Variants in ANKRD6 observed in about 807,000 individuals in gnomAD.
ANKRD6 encodes the protein ankyrin repeat domain-containing protein 6.
ANKRD6 carries 56 observed loss-of-function variants against 82.3 expected under a neutral mutation model. The ratio of observed to expected loss-of-function variants is 0.68; its 90% CI spans 0.55 to 0.85. ANKRD6 has a LOEUF of 0.85. ANKRD6 is among the 40% of genes least tolerant of loss of function. ANKRD6 has a pLI of 0.00. For missense variants in ANKRD6, 852 were observed against 907.6 expected (o/e 0.94, Z 0.79); for synonymous variants, 347 against 352.1 (o/e 0.99, Z 0.16).
At chr6:89,582,113 G>A (rs941653787) in intron 2 of ANKRD6, among the ~76,000 whole-genome samples, 1 of 152,164 alleles carries the variant, frequency 6.6e-6, no homozygotes, top group South Asian at 2.1e-4. Flanking sequence ...AAATGAGCAC[G>A]TGTTAACATT....
At chr6:89,482,066 A>G (rs1221394159) in intron 1 of ANKRD6, among the ~76,000 whole-genome samples, 1 of 152,198 alleles carries the variant, frequency 6.6e-6, no homozygotes, top group Non-Finnish European at 1.5e-5. Context: ...CCCTGCTCAC[A>G]CACTCAGAAG....
At chr6:89,460,912 T>G (rs1774057206) in intron 1 of ANKRD6, among the ~76,000 whole-genome samples, 2 of 149,314 alleles carry the variant, frequency 1.3e-5, no homozygotes, top group South Asian at 4.2e-4. Context: ...TGGAATTCTT[T>G]TTTTTTGAGA....
At chr6:89,473,758 C>T (rs1775739490) in intron 1 of ANKRD6, among the ~76,000 whole-genome samples, 1 of 151,842 alleles carries the variant, frequency 6.6e-6, no homozygotes, top group South Asian at 2.1e-4. Context: ...GTGGGTGGAT[C>T]ACTTGAGGTC....
intron 1 of ANKRD6, among the ~76,000 whole-genome samples, chr6:89,493,289 G>T (rs1436193643): frequency 6.6e-6 from 1 of 151,890 alleles, no homozygotes; most frequent in African/African-American, 2.4e-5. Flanking sequence ...CAGTTTCTGG[G>T]GATTGTATGT....
At chr6:89,542,314 G>C (rs951020670) in intron 1 of ANKRD6, among the ~76,000 whole-genome samples, 1 of 152,164 alleles carries the variant, frequency 6.6e-6, no homozygotes, top group Non-Finnish European at 1.5e-5. Context: ...AGGACACACT[G>C]TCTAGTTGCT....
intron 1 of ANKRD6, among the ~76,000 whole-genome samples, chr6:89,537,945 T>A (rs1050515615): frequency 1.2e-4 from 18 of 151,400 alleles, no homozygotes; most frequent in Middle Eastern, 6.8e-3. Flanking sequence ...GGACTTTACA[T>A]GCCAATCCCT....
intron 2 of ANKRD6, among the ~76,000 whole-genome samples, chr6:89,567,674 A>G (rs1290437350): frequency 3.9e-5 from 6 of 152,266 alleles, no homozygotes. Flanking sequence ...AAGAAAAGGC[A>G]GGCTCCGCGC....
At chr6:89,486,961 C>T (rs994696607) in intron 1 of ANKRD6, among the ~76,000 whole-genome samples, 2 of 152,206 alleles carry the variant, frequency 1.3e-5, no homozygotes, top group Non-Finnish European at 2.9e-5. Flanking sequence ...AGGGTTTAAA[C>T]ATATGAATTT....
chr6:89,514,733 G>A (rs569741538), intron 1 of ANKRD6, among the ~76,000 whole-genome samples: 2 of 152,210 alleles, frequency 1.3e-5, no homozygotes, highest in South Asian at 4.1e-4. Context: ...CCTAGAATTG[G>A]AATTGTTTGG....
At chr6:89,582,902 A>T (rs1357164501) in intron 2 of ANKRD6, among the ~76,000 whole-genome samples, 4 of 152,214 alleles carry the variant, frequency 2.6e-5, no homozygotes, top group African/African-American at 7.2e-5. Flanking sequence ...GTAATTAAGG[A>T]TGTAGAAAGA....
At chr6:89,563,776 G>T (rs1262672346) in intron 1 of ANKRD6, among the ~76,000 whole-genome samples, 1 of 152,032 alleles carries the variant, frequency 6.6e-6, no homozygotes, top group Non-Finnish European at 1.5e-5. Flanking sequence ...CAGGGCATCA[G>T]ATGAGAAGAA....
chr6:89,445,210 T>C (rs1225994381), intron 1 of ANKRD6, among the ~76,000 whole-genome samples: 3 of 151,802 alleles, frequency 2.0e-5, no homozygotes, highest in Non-Finnish European at 4.4e-5. Context: ...TATTTCACAC[T>C]TTTTCTTTAT....
At chr6:89,474,183 G>A (rs185028319) in intron 1 of ANKRD6, among the ~76,000 whole-genome samples, 15 of 152,320 alleles carry the variant, frequency 9.8e-5, no homozygotes, top group Non-Finnish European at 1.8e-4. Flanking sequence ...TCCCAGGATA[G>A]CCTGTGCCTA....
Position 89,631,123 on chromosome 6 carries a change from T to C in ANKRD6, c.*119T>C. The stretch of plus-strand genomic sequence containing the variant: ...TTGCAGATTTGCCTTTTTAAAAAAA[T>C]CACTAATTCTACAATGTGCCAGATA... On this transcript the variant is annotated 3_prime_UTR_variant, in exon 16 of 16. Transcript: ENST00000339746. The C allele has an allele frequency of 7.1e-7, 1 of 1,402,880 alleles. No individual in the cohort carries two copies. Among genetic ancestry groups the C allele is most frequent in the Non-Finnish European group, 9.2e-7 (1 of 1,081,588 alleles). The allele number at this position is 1,402,880 out of a possible 1,614,324, so 86.9% of individuals were successfully genotyped here.
In ANKRD6 at chr6:89,617,973, A is replaced by G; in HGVS notation, c.734A>G (p.Glu245Gly). Residue 245 changes from glutamate to glycine, a missense_variant, in exon 9 of 16, where the codon GAG becomes GGG. Transcript: ENST00000339746. ...CCTCAGGCAGGCCAGACTCCGCTGG[A>G]GACTGCCCGCTACCACAATAACCCG... is the stretch of plus-strand genomic sequence containing the variant. ...IVNNAGQTPL[E>G]TARYHNNPEV... 1.2e-6 allele frequency: 2 copies of G among 1,614,016 alleles called. No homozygotes were observed. The highest frequency in any genetic ancestry group is 4.5e-5 in the East Asian group (2 of 44,888).
At chr6:89,506,489 A>G (rs1779879526) in intron 1 of ANKRD6, among the ~76,000 whole-genome samples, 1 of 151,876 alleles carries the variant, frequency 6.6e-6, no homozygotes, top group African/African-American at 2.4e-5. Context: ...TAATTTTTGT[A>G]TTTTTAGTAG....
rs151041648 is a variant in ANKRD6, at chr6:89,607,705, G to A, written c.417+1600G>A. 3.3e-5 allele frequency among the ~76,000 whole-genome samples: 5 copies of A among 150,144 alleles called. No individual in the cohort carries two copies. The East Asian group carries it at 9.7e-4, about 29-fold the overall frequency. On this transcript the variant is annotated intron_variant, in intron 5 of 15. Transcript: ENST00000339746. ...GAATCTCGTTCTGTCACCCAGGCTG[G>A]AGTGCAATGGCACACTGTCGGCTTA... is the stretch of plus-strand genomic sequence containing the variant.
At chr6:89,566,576 A>G (rs1466289108) in intron 1 of ANKRD6, among the ~76,000 whole-genome samples, 1 of 152,228 alleles carries the variant, frequency 6.6e-6, no homozygotes, top group African/African-American at 2.4e-5. Context: ...CAAACCTTGC[A>G]GTTCTGGCCA....
At chr6:89,520,094 C>T (rs560953192) in intron 1 of ANKRD6, among the ~76,000 whole-genome samples, 3 of 152,266 alleles carry the variant, frequency 2.0e-5, no homozygotes, top group Admixed American at 6.5e-5. Flanking sequence ...CTCGATCCTC[C>T]TACTTCAGCC....
Sources: allele counts gnomAD v4.1 joint callset (sites outside exome capture counted in the v4.1 genomes callset), GRCh38; gene constraint gnomAD v4.1.1; transcripts MANE v1.5; gene names NCBI Gene and HGNC (gene_info 2026-07-23, HGNC 2026-07-21).